Variants in MARCHF1 observed in about 807,000 individuals in gnomAD.
MARCHF1 encodes membrane associated ring-CH-type finger 1.
A neutral mutation model predicts 54.2 loss-of-function variants in MARCHF1; 40 were observed. The observed-to-expected ratio is 0.74, with a 90% CI of 0.57 to 0.96. The LOEUF is 0.96. Ranked by LOEUF, MARCHF1 falls within the 40% of genes least tolerant of loss-of-function variation. The probability of loss-of-function intolerance (pLI) is 0.00; values close to 1 mark genes in which losing one functional copy is unlikely to be tolerated. For missense variants in MARCHF1, 586 were observed against 656.5 expected, an observed-to-expected ratio of 0.89 and a Z score of 1.17; for synonymous variants, 236 against 236.3, an observed-to-expected ratio of 1.00 and a Z score of 0.01.
At chr4:163,718,691 C>A (rs1344680432) in intron 4 of MARCHF1, among the ~76,000 whole-genome samples, 1 of 151,528 alleles carries the variant, frequency 6.6e-6, no homozygotes, top group Non-Finnish European at 1.5e-5. Flanking sequence ...CCTTTTTTTT[C>A]CTTATACTTT....
At chr4:163,970,634 A>G (rs1752529175) in intron 3 of MARCHF1, among the ~76,000 whole-genome samples, 1 of 152,200 alleles carries the variant, frequency 6.6e-6, no homozygotes. Flanking sequence ...ACCTCTACAT[A>G]TCAAGATCTG....
intron 1 of MARCHF1, among the ~76,000 whole-genome samples, chr4:164,358,455 A>G (rs1170036635): frequency 6.6e-6 from 1 of 152,208 alleles, no homozygotes; most frequent in Non-Finnish European, 1.5e-5. Flanking sequence ...AAGAAAACTG[A>G]TAAGAAACAG....
chr4:164,250,377 A>T (rs1325388155), intron 1 of MARCHF1, among the ~76,000 whole-genome samples: 1 of 152,128 alleles, frequency 6.6e-6, no homozygotes, highest in South Asian at 2.1e-4. Flanking sequence ...ATGTTCCCCC[A>T]GAAAGCCAAT....
At chr4:164,177,009 T>TATATATATATATACATAC (rs1553989397) in intron 1 of MARCHF1, among the ~76,000 whole-genome samples, 1 of 55,576 alleles carries the variant, frequency 1.8e-5, no homozygotes, top group Non-Finnish European at 3.6e-5. Context: ...TATATATATA[T>TATATATATATATACATAC]ACAAATGATA....
chr4:163,921,128 T>A (rs1751420767), intron 3 of MARCHF1, among the ~76,000 whole-genome samples: 1 of 152,118 alleles, frequency 6.6e-6, no homozygotes, highest in African/African-American at 2.4e-5. Flanking sequence ...GCTAAATAAG[T>A]GTAAAATATC....
chr4:163,694,151 T>C (rs1418698970), intron 5 of MARCHF1, among the ~76,000 whole-genome samples: 4 of 152,104 alleles, frequency 2.6e-5, no homozygotes, highest in Non-Finnish European at 5.9e-5. Flanking sequence ...AATCATCATC[T>C]ATACAAATCC....
rs777134182 is a variant in MARCHF1 at position 164,189,568 on chromosome 4, G to A, written c.-322-77906C>T. Reference sequence around the variant, plus strand: ...AGATGAAGCTGTAGTGCATGGTGCTGCTGTCCAGGCTGGAGTGCTCTCTGG... The same window carrying A: ...AGATGAAGCTGTAGTGCATGGTGCTACTGTCCAGGCTGGAGTGCTCTCTGG... On this transcript the variant is annotated intron_variant, in intron 1 of 9. Coordinates refer to ENST00000514618, the MANE Select transcript of MARCHF1 (RefSeq NM_001394959.1). 7.6e-6 allele frequency: 7 copies of A among 921,962 alleles called. No individual in the cohort carries two copies. In the South Asian group the frequency reaches 9.5e-5, roughly 12 times the overall value. The allele number at this position is 921,962 out of a possible 1,614,324, so 57.1% of individuals were successfully genotyped here.
chr4:164,187,827 C>T (rs1350202582), intron 1 of MARCHF1, among the ~76,000 whole-genome samples: 1 of 152,194 alleles, frequency 6.6e-6, no homozygotes, highest in Non-Finnish European at 1.5e-5. Context: ...TTTTCATCAA[C>T]ATAGGTCTAT....
intron 4 of MARCHF1, among the ~76,000 whole-genome samples, chr4:163,803,518 T>C (rs778217302): frequency 6.7e-6 from 1 of 149,382 alleles, no homozygotes; most frequent in Non-Finnish European, 1.5e-5. Flanking sequence ...CCTGAATCCA[T>C]AGGTGTCTTT....
intron 3 of MARCHF1, among the ~76,000 whole-genome samples, chr4:163,898,489 TC>T (rs1321996135): frequency 6.6e-6 from 1 of 152,190 alleles, no homozygotes; most frequent in Non-Finnish European, 1.5e-5. Flanking sequence ...CGAGATGTTA[TC>T]TTATACCAGT....
intron 8 of MARCHF1, among the ~76,000 whole-genome samples, chr4:163,576,601 T>A (rs1183907720): frequency 6.6e-6 from 1 of 152,092 alleles, no homozygotes; most frequent in Non-Finnish European, 1.5e-5. Context: ...TTGTTAATTT[T>A]CTGCCTCAAT....
rs70952617 is a variant in MARCHF1 at position 164,274,659 on chromosome 4, CTTTTTTTTT to C, written c.-323+109202_-323+109210del. ...CGCTTGATGTGTGCTTCAGGGTACA[CTTTTTTTTT>C]TTTTTTTTTTTTTTTTTTTTTTTTT... On this transcript the variant is annotated intron_variant, in intron 1 of 9. Coordinates refer to ENST00000514618, the MANE Select transcript of MARCHF1 (RefSeq NM_001394959.1). Among the ~76,000 whole-genome samples, 142 of 44,652 alleles carry C rather than the reference CTTTTTTTTT, an allele frequency of 3.2e-3. 11 individuals carry two copies. Among genetic ancestry groups the C allele is most frequent in the African/African-American group, 9.7e-3 (130 of 13,412 alleles). The allele number at this position is 44,652 out of a possible 152,430, so 29.3% of individuals were successfully genotyped here.
chr4:163,890,451 T>C (rs1191626380), intron 3 of MARCHF1, among the ~76,000 whole-genome samples: 1 of 152,130 alleles, frequency 6.6e-6, no homozygotes, highest in Non-Finnish European at 1.5e-5. Flanking sequence ...ACTTTAGAGC[T>C]AGACTGACTC....
At chr4:164,371,772 A>T (rs1459671271) in intron 1 of MARCHF1, among the ~76,000 whole-genome samples, 1 of 152,330 alleles carries the variant, frequency 6.6e-6, no homozygotes, top group African/African-American at 2.4e-5. Context: ...GGAAAGATAG[A>T]TCTCTAAAGA....
chr4:163,841,752 A>G (rs1211078838), intron 4 of MARCHF1, among the ~76,000 whole-genome samples: 1 of 152,118 alleles, frequency 6.6e-6, no homozygotes, highest in African/African-American at 2.4e-5. Context: ...TGGTATGACA[A>G]TGTGTCTGTG....
chr4:164,047,338 G>C (rs559343898), intron 2 of MARCHF1, among the ~76,000 whole-genome samples: 2 of 152,154 alleles, frequency 1.3e-5, no homozygotes, highest in Non-Finnish European at 2.9e-5. Context: ...GGGCCTAGGA[G>C]GGGACTTTCC....
chr4:163,955,347 G>GA lies in MARCHF1; in HGVS notation c.-39+33153dup, dbSNP rs77272610. 7.6e-4 allele frequency among the ~76,000 whole-genome samples: 83 copies of GA among 109,140 alleles called. 1 individual carries two copies. The highest frequency in any genetic ancestry group is 0.012 in the Middle Eastern group (2 of 162). The allele number at this position is 109,140 out of a possible 152,430, so 71.6% of individuals were successfully genotyped here. A position where few individuals can be genotyped will look rare whatever the true frequency, so the allele number is the denominator to read the frequency against. On this transcript the variant is annotated intron_variant, in intron 3 of 9. Transcript: ENST00000514618. The stretch of plus-strand genomic sequence containing the variant: ...ATAGAGGATAGGATCTGCTTTGAGG[G>GA]AAAAAAAAAACAAAAACAAAGCAAA...
chr4:163,991,213 A>G (rs1288442034), intron 2 of MARCHF1, among the ~76,000 whole-genome samples: 2 of 152,244 alleles, frequency 1.3e-5, no homozygotes, highest in African/African-American at 4.8e-5. Flanking sequence ...TGTTTTAGCA[A>G]TAACTTAAGA....
At chr4:164,003,843 T>C (rs1034227191) in intron 2 of MARCHF1, among the ~76,000 whole-genome samples, 1 of 152,152 alleles carries the variant, frequency 6.6e-6, no homozygotes, top group Non-Finnish European at 1.5e-5. Context: ...ATGTGTATGT[T>C]TATTGCAGCA....
Sources: gnomAD v4.1 joint callset for allele counts (sites outside exome capture counted in the v4.1 genomes callset) on GRCh38, gnomAD v4.1.1 for gene constraint, MANE v1.5 for transcripts, NCBI Gene and HGNC (gene_info 2026-07-23, HGNC 2026-07-21) for gene names.